MED26: variants seen among roughly 807,000 people sequenced by gnomAD.
MED26 encodes the protein mediator complex subunit 26, also known as mediator of RNA polymerase II transcription subunit 26.
MED26 carries 7 observed loss-of-function variants against 43.7 expected under a neutral mutation model. The observed-to-expected ratio is 0.16, with a 90% CI of 0.09 to 0.30. The LOEUF is 0.30. Among genes scored for constraint, MED26 ranks in the 10% least tolerant of loss-of-function variants. The probability of loss-of-function intolerance (pLI) is 1.00; values close to 1 mark genes in which losing one functional copy is unlikely to be tolerated. For missense variants in MED26, 784 were observed against 840.6 expected (o/e 0.93, Z 0.83); for synonymous variants, 375 against 371.1 (o/e 1.01, Z -0.12).
At chr19:16,592,078 G>C (rs2086100347) in intron 1 of MED26, among the ~76,000 whole-genome samples, 1 of 152,194 alleles carries the variant, frequency 6.6e-6, no homozygotes, top group Non-Finnish European at 1.5e-5. Flanking sequence ...GGCACCCAAG[G>C]CTGTGGGCTC....
At chr19:16,584,625 C>T (rs568418250) in intron 1 of MED26, among the ~76,000 whole-genome samples, 8 of 152,220 alleles carry the variant, frequency 5.3e-5, no homozygotes, top group African/African-American at 9.6e-5. Context: ...CACCACGCTC[C>T]GTGTGAGCTA....
In MED26 at chr19:16,591,053, AAAT is replaced by A. The variant is rs756086864; in HGVS notation, c.73-12647_73-12645del. Among the ~76,000 whole-genome samples, 134 of 14,724 alleles carry A rather than the reference AAAT, an allele frequency of 9.1e-3. 1 individual carries two copies. The highest frequency in any genetic ancestry group is 0.074 in the East Asian group (51 of 690). The allele number at this position is 14,724 out of a possible 152,430, so 9.7% of individuals were successfully genotyped here. A position where few individuals can be genotyped will look rare whatever the true frequency, so the allele number is the denominator to read the frequency against. On this transcript the variant is annotated intron_variant, in intron 1 of 2. Coordinates refer to ENST00000263390, the MANE Select transcript of MED26 (RefSeq NM_004831.5). ...AGACTTTCTCAAAATAAAATAAAAT[AAAT>A]AAATAAATAAATAAATAAATAAATA...
intron 1 of MED26, among the ~76,000 whole-genome samples, chr19:16,606,291 C>T (rs771201079): frequency 2.0e-5 from 3 of 152,220 alleles, no homozygotes; most frequent in Non-Finnish European, 2.9e-5. Flanking sequence ...TGACTCACGC[C>T]TGTAATCCCA....
At chr19:16,623,314 C>G (rs1026523221) in intron 1 of MED26, among the ~76,000 whole-genome samples, 1 of 152,198 alleles carries the variant, frequency 6.6e-6, no homozygotes, top group African/African-American at 2.4e-5. Context: ...GTCCCTGAAT[C>G]TGGGCAATTG....
chr19:16,581,809 C>T (rs758203922), intron 1 of MED26, among the ~76,000 whole-genome samples: 5 of 152,252 alleles, frequency 3.3e-5, no homozygotes, highest in Admixed American at 6.5e-5. Flanking sequence ...TTATGAGCCA[C>T]GCTTAAGCGT....
At chr19:16,618,581 A>C (rs1290578786) in intron 1 of MED26, among the ~76,000 whole-genome samples, 1 of 151,878 alleles carries the variant, frequency 6.6e-6, no homozygotes, top group African/African-American at 2.4e-5. Context: ...TACATTTCCC[A>C]TTTTTTTCCC....
Position 16,577,066 on chromosome 19 carries a change from C to G in MED26, c.764G>C (p.Arg255Thr). The change falls in exon 3 of 3, where the codon AGG becomes ACG. Residue 255 changes from arginine to threonine, a missense_variant. This residue lies in a region of MED26 where 719 missense variants were observed against 730.9 expected (regional missense o/e 0.98). Transcript: ENST00000263390. The surrounding 1 kb of genome is among the most constrained non-coding windows in gnomAD (Gnocchi z 8.1). ...PKASVLQQLDRVDETPGPPHP... is the reference protein window; with the variant it reads ...PKASVLQQLDTVDETPGPPHP... ...GGGAGGCCCCGGAGTCTCGTCCACC[C>G]TGTCCAGCTGCTGCAGCACCGAAGC... 1 of 1,608,930 alleles carries G rather than the reference C, an allele frequency of 6.2e-7. No homozygotes were observed. The highest frequency in any genetic ancestry group is 8.5e-7 in the Non-Finnish European group (1 of 1,176,498).
chr19:16,576,461 T>C lies in MED26; in HGVS notation c.1369A>G (p.Thr457Ala). 1 of 1,614,136 alleles carries C rather than the reference T, an allele frequency of 6.2e-7. No individual in the cohort carries two copies. Among genetic ancestry groups the C allele is most frequent in the Non-Finnish European group, 8.5e-7 (1 of 1,180,008 alleles). ...TTGGCCTCCTGCTTGTCCAGCTCTG[T>C]CCTGGACTGCTGCTCCATGTGCACA... Reference protein sequence around the residue: ...SPVHMEQQSRTELDKQEAKAS... With the variant: ...SPVHMEQQSRAELDKQEAKAS... The change falls in exon 3 of 3, where the codon ACA (threonine) becomes GCA (alanine). Residue 457 changes from threonine to alanine, a missense_variant. This residue lies in a region of MED26 where 719 missense variants were observed against 730.9 expected (regional missense o/e 0.98). Transcript: ENST00000263390. The surrounding 1 kb of genome is among the most constrained non-coding windows in gnomAD (Gnocchi z 6.8).
intron 1 of MED26, among the ~76,000 whole-genome samples, chr19:16,617,604 C>T (rs1235911622): frequency 6.6e-6 from 1 of 152,220 alleles, no homozygotes; most frequent in Admixed American, 6.5e-5. Context: ...AAAAGATTCC[C>T]TCTCCCTTCT....
At chr19:16,588,406 G>A (rs1260312048) in intron 1 of MED26, 1 of 152,368 alleles carries the variant, frequency 6.6e-6, no homozygotes, top group Non-Finnish European at 1.5e-5. Context: ...CAACCTTCAA[G>A]AGACTGCCAA....
chr19:16,597,205 T>TA (rs141751842), intron 1 of MED26, among the ~76,000 whole-genome samples: 5,717 of 152,248 alleles, frequency 0.038, 252 homozygotes, highest in Admixed American at 0.089. Flanking sequence ...CAACCTCAGC[T>TA]ATCAATCCCA....
intron 1 of MED26, among the ~76,000 whole-genome samples, chr19:16,610,057 T>A (rs1323183053): frequency 8.1e-5 from 12 of 147,838 alleles, no homozygotes. Flanking sequence ...CGGCCAGGAG[T>A]TCAAGACCAG....
At chr19:16,590,679 G>C (rs1368767419) in intron 1 of MED26, among the ~76,000 whole-genome samples, 1 of 152,156 alleles carries the variant, frequency 6.6e-6, no homozygotes, top group Non-Finnish European at 1.5e-5. Flanking sequence ...GTACTTACAA[G>C]TTAAAATTTA....
At chr19:16,626,164 T>A (rs1421652298) in intron 1 of MED26, among the ~76,000 whole-genome samples, 1 of 152,156 alleles carries the variant, frequency 6.6e-6, no homozygotes, top group Non-Finnish European at 1.5e-5. Flanking sequence ...CCTGTCAAAG[T>A]GCCGCCTGAT....
intron 2 of MED26, chr19:16,578,063 T>C: frequency 1.9e-6 from 1 of 523,972 alleles, no homozygotes; most frequent in Non-Finnish European, 3.4e-6. Flanking sequence ...GGATGGTGCC[T>C]CTCACTGGAG....
intron 1 of MED26, among the ~76,000 whole-genome samples, chr19:16,625,326 T>C (rs1218701814): frequency 6.6e-6 from 1 of 152,244 alleles, no homozygotes; most frequent in Non-Finnish European, 1.5e-5. Flanking sequence ...AATTCCTTTG[T>C]CAAGGAGATG....
chr19:16,609,941 T>TAAAAAAAAAAAA (rs869040520), intron 1 of MED26, among the ~76,000 whole-genome samples: 4 of 84,670 alleles, frequency 4.7e-5, no homozygotes, highest in African/African-American at 1.9e-4. Flanking sequence ...AAGCACTCTT[T>TAAAAAAAAAAAA]AAAAAAAAAA....
Position 16,577,175 on chromosome 19 carries a change from C to A in MED26, c.655G>T (p.Gly219Cys). The part of the protein sequence containing the change: ...LERDENDKHS[G>C]KIPVNAVRPH... Reference sequence around the variant, plus strand: ...CGCACGGCGTTGACGGGGATCTTGCCACTGTGCTTGTCATTCTCGTCACGC... The same window carrying A: ...CGCACGGCGTTGACGGGGATCTTGCAACTGTGCTTGTCATTCTCGTCACGC... The change falls in exon 3 of 3, where the codon GGC becomes TGC. Residue 219 changes from glycine (G) to cysteine (C), a missense_variant. Physicochemically the swap from Gly to Cys is radical, Grantham distance 159. Transcript: ENST00000263390. The surrounding 1 kb of genome is among the most constrained non-coding windows in gnomAD (Gnocchi z 8.1). The A allele has an allele frequency of 6.2e-7, 1 of 1,613,368 alleles. No individual in the cohort carries two copies. Among genetic ancestry groups the A allele is most frequent in the Non-Finnish European group, 8.5e-7 (1 of 1,179,944 alleles).
rs1599326726 is a variant in MED26 at position 16,575,903 on chromosome 19, G to A, written c.*124C>T. The A allele has an allele frequency of 4.9e-6, 3 of 610,130 alleles. No individual in the cohort carries two copies. Among genetic ancestry groups the A allele is most frequent in the East Asian group, 3.6e-5 (1 of 28,020 alleles). The allele number at this position is 610,130 out of a possible 1,614,324, so 37.8% of individuals were successfully genotyped here. A position where few individuals can be genotyped will look rare whatever the true frequency, so the allele number is the denominator to read the frequency against. ...GCGTGACTCCCGCCCCCTCCCTCCC[G>A]CCTGGGCCGGACTCCCCGAGTTCCC... On this transcript the variant is annotated 3_prime_UTR_variant, in exon 3 of 3. Transcript: ENST00000263390.
Sources: gnomAD v4.1 joint callset for allele counts (sites outside exome capture counted in the v4.1 genomes callset) on GRCh38, gnomAD v4.1.1 for gene constraint, gnomAD v4.1.1 regional missense constraint, Gnocchi (gnomAD v3.1) non-coding constraint, MANE v1.5 for transcripts, NCBI Gene and HGNC (gene_info 2026-07-23, HGNC 2026-07-21) for gene names.